Variants in FAT3 observed in about 807,000 individuals in gnomAD.
FAT3 encodes the protein protocadherin Fat 3.
In FAT3, 95 loss-of-function variants were observed where a neutral mutation model predicts 310.2. The observed-to-expected ratio is 0.31, with a 90% CI of 0.26 to 0.36. The LOEUF (loss-of-function observed/expected upper bound fraction) is 0.36. Among genes scored for constraint, FAT3 ranks in the 10% least tolerant of loss-of-function variants. The pLI, the probability that FAT3 is intolerant of heterozygous loss-of-function variation, is 1.00. For synonymous variants in FAT3, 2,314 were observed against 2,192.9 expected (o/e 1.06, Z -1.54); for missense variants, 5,408 against 5,715.6 (o/e 0.95, Z 1.74).
chr11:92,552,799 T>C (rs1421743570), intron 3 of FAT3, among the ~76,000 whole-genome samples: 1 of 151,270 alleles, frequency 6.6e-6, no homozygotes, highest in Non-Finnish European at 1.5e-5. Context: ...AAAAAAGAAT[T>C]GTTAGCCAGG....
chr11:92,552,474 C>T (rs1954853073), intron 3 of FAT3, among the ~76,000 whole-genome samples: 2 of 152,002 alleles, frequency 1.3e-5, no homozygotes, highest in South Asian at 4.2e-4. Context: ...ATTTTTGGTT[C>T]TTAAAATGTA....
chr11:92,844,980 A>G (rs761033374), intron 19 of FAT3, among the ~76,000 whole-genome samples: 1 of 152,226 alleles, frequency 6.6e-6, no homozygotes, highest in African/African-American at 2.4e-5. Context: ...AGAAACATAC[A>G]AAGTCCTGTG....
intron 13 of FAT3, among the ~76,000 whole-genome samples, chr11:92,819,248 A>G (rs1033864317): frequency 1.3e-5 from 2 of 152,202 alleles, no homozygotes; most frequent in East Asian, 3.8e-4. Flanking sequence ...GTGGTACTCA[A>G]AAAGTCTGGA....
intron 2 of FAT3, among the ~76,000 whole-genome samples, chr11:92,356,241 T>C (rs893373734): frequency 4.6e-5 from 7 of 152,196 alleles, no homozygotes; most frequent in Non-Finnish European, 1.0e-4. Flanking sequence ...GTTCCTTTGT[T>C]AGCACTGTGC....
chr11:92,762,688 G>A (rs1946186326), intron 5 of FAT3, among the ~76,000 whole-genome samples: 1 of 152,204 alleles, frequency 6.6e-6, no homozygotes. Context: ...CAAGTATAAA[G>A]TGACTGAATT....
intron 3 of FAT3, among the ~76,000 whole-genome samples, chr11:92,528,757 A>T (rs1267503753): frequency 6.6e-6 from 1 of 152,032 alleles, no homozygotes; most frequent in African/African-American, 2.4e-5. Context: ...AGGGGTGGAA[A>T]TTTCTTCTAG....
intron 4 of FAT3, among the ~76,000 whole-genome samples, chr11:92,736,253 A>C (rs1389121785): frequency 6.6e-6 from 1 of 152,162 alleles, no homozygotes; most frequent in Non-Finnish European, 1.5e-5. Flanking sequence ...CAGAGGGTTC[A>C]AGTTCAGGTA....
At chr11:92,348,347 C>T (rs1240508186) in intron 1 of FAT3, among the ~76,000 whole-genome samples, 4 of 152,084 alleles carry the variant, frequency 2.6e-5, no homozygotes, top group Non-Finnish European at 5.9e-5. Flanking sequence ...GAAAACAATT[C>T]CAGCAATGTA....
At chr11:92,271,119 A>C (rs951464799) in intron 1 of FAT3, among the ~76,000 whole-genome samples, 1 of 152,106 alleles carries the variant, frequency 6.6e-6, no homozygotes, top group Non-Finnish European at 1.5e-5. Context: ...TCCATTCTGC[A>C]TACTGAGCCA....
chr11:92,654,139 T>C (rs1942487482), intron 3 of FAT3, among the ~76,000 whole-genome samples: 1 of 152,214 alleles, frequency 6.6e-6, no homozygotes, highest in African/African-American at 2.4e-5. Flanking sequence ...CGCTGCAGCA[T>C]TCAGGAGATA....
chr11:92,291,974 G>T (rs1946707131), intron 1 of FAT3, among the ~76,000 whole-genome samples: 1 of 151,940 alleles, frequency 6.6e-6, no homozygotes, highest in Non-Finnish European at 1.5e-5. Context: ...CAATATCATG[G>T]TTTTTTTAGT....
rs773034609 is a variant in FAT3 at position 92,352,777 on chromosome 11, A to T, written c.665A>T (p.Asp222Val). The change falls in exon 2 of 28, where the codon GAT becomes GTT. Residue 222 changes from aspartate to valine, a missense_variant. Asp to Val is a radical substitution (Grantham distance 152). This residue lies in a region of FAT3 where 4,588 missense variants were observed against 4,809.8 expected (regional missense o/e 0.95). Transcript: ENST00000525166. ...VISLSGRLNY[D>V]EKNRYDLEIL... ...TCCTTAAGTGGTCGATTAAATTATG[A>T]TGAAAAGAATAGGTATGATCTGGAA... is the stretch of plus-strand genomic sequence containing the variant. The T allele has an allele frequency of 1.9e-6, 3 of 1,613,872 alleles. No individual in the cohort carries two copies. In the South Asian group the frequency reaches 3.3e-5, roughly 18 times the overall value.
intron 19 of FAT3, among the ~76,000 whole-genome samples, chr11:92,850,933 C>T (rs1245142880): frequency 6.6e-6 from 1 of 152,148 alleles, no homozygotes; most frequent in Non-Finnish European, 1.5e-5. Flanking sequence ...GTTGTCACCT[C>T]TACAGAAAGT....
In FAT3 at chr11:92,261,155, T is replaced by C. The variant is rs190650068; in HGVS notation, c.-18+35981T>C. On this transcript the variant is annotated intron_variant, in intron 1 of 27. Transcript: ENST00000525166. ...TGTGCTCAGGAAATCTGTGAAAAGA[T>C]AGTATTTTCAGAGGCAAAATTATTT... Among the ~76,000 whole-genome samples, 202 of 152,146 alleles carry C rather than the reference T, an allele frequency of 1.3e-3. 1 individual carries two copies. The highest frequency in any genetic ancestry group is 4.7e-3 in the African/African-American group (197 of 41,518).
intron 1 of FAT3, among the ~76,000 whole-genome samples, chr11:92,238,346 T>C (rs1864522154): frequency 6.6e-6 from 1 of 152,154 alleles, no homozygotes; most frequent in Non-Finnish European, 1.5e-5. Context: ...CCTAAATCTT[T>C]AAGTAAAATT....
intron 18 of FAT3, among the ~76,000 whole-genome samples, chr11:92,841,255 G>A (rs1182536449): frequency 1.3e-5 from 2 of 152,124 alleles, no homozygotes; most frequent in Non-Finnish European, 2.9e-5. Context: ...AGAGGCAAAC[G>A]TGGCAGGTAT....
chr11:92,412,169 C>G (rs1248944556), intron 2 of FAT3, among the ~76,000 whole-genome samples: 1 of 151,994 alleles, frequency 6.6e-6, no homozygotes, highest in East Asian at 1.9e-4. Flanking sequence ...GTGGTGTGAT[C>G]TAGGCTCACT....
At chr11:92,295,277 A>T (rs1022486765) in intron 1 of FAT3, among the ~76,000 whole-genome samples, 11 of 152,102 alleles carry the variant, frequency 7.2e-5, no homozygotes, top group African/African-American at 2.7e-4. Flanking sequence ...TCAGCCATAG[A>T]CTTGGTTCAC....
chr11:92,739,519 A>G (rs1368890216), intron 4 of FAT3, among the ~76,000 whole-genome samples: 1 of 152,168 alleles, frequency 6.6e-6, no homozygotes, highest in East Asian at 1.9e-4. Context: ...GATTCCTCTT[A>G]CTGTTATATG....
Sources: gnomAD v4.1 joint callset for allele counts (sites outside exome capture counted in the v4.1 genomes callset) on GRCh38, gnomAD v4.1.1 for gene constraint, gnomAD v4.1.1 regional missense constraint, MANE v1.5 for transcripts, NCBI Gene and HGNC (gene_info 2026-07-23, HGNC 2026-07-21) for gene names.